SYT1: variants seen among roughly 807,000 people sequenced by gnomAD.
SYT1 encodes synaptotagmin-1.
Under a neutral mutation model 44.8 loss-of-function variants are expected in SYT1, and 8 were observed. That is an observed-to-expected ratio of 0.18 (90% CI 0.10 to 0.32). The LOEUF (loss-of-function observed/expected upper bound fraction) is 0.32, where lower values mean the gene tolerates loss of function less well. Among genes scored for constraint, SYT1 ranks in the 10% least tolerant of loss-of-function variants. The probability of loss-of-function intolerance (pLI) is 1.00; values close to 1 mark genes in which losing one functional copy is unlikely to be tolerated. For missense variants in SYT1, 286 were observed against 509.3 expected (o/e 0.56, Z 4.22); for synonymous variants, 154 against 188.8 (o/e 0.82, Z 1.51).
intron 3 of SYT1, among the ~76,000 whole-genome samples, chr12:79,192,198 G>A (rs1873173701): frequency 6.6e-6 from 1 of 152,140 alleles, no homozygotes; most frequent in Non-Finnish European, 1.5e-5. Flanking sequence ...AGGAACAGGA[G>A]TGTGTGTTTT....
At position 79,445,655 on chromosome 12, in the gene SYT1, C is replaced by T. The variant is rs186489231; in HGVS notation, c.1062+1449C>T. 1.2e-3 allele frequency among the ~76,000 whole-genome samples: 179 copies of T among 151,768 alleles called. 2 individuals carry two copies. The highest frequency in any genetic ancestry group is 2.0e-3 in the Non-Finnish European group (137 of 67,830). On this transcript the variant is annotated intron_variant, in intron 10 of 10. Transcript: ENST00000261205. ...TTCTTTTTTATGGCCGAATAGTATTCCATTGTGTATATGTACCACATTTTA... is the reference window on the plus strand; with the variant it reads ...TTCTTTTTTATGGCCGAATAGTATTTCATTGTGTATATGTACCACATTTTA...
chr12:79,104,706 G>C (rs891474897), intron 3 of SYT1, among the ~76,000 whole-genome samples: 5 of 151,696 alleles, frequency 3.3e-5, no homozygotes, highest in African/African-American at 4.8e-5. Context: ...GATAAATTAG[G>C]TAAGTTCAGA....
At chr12:78,865,154 T>A (rs893481086) in intron 1 of SYT1, 45 bp downstream of exon 1, 9 of 152,194 alleles carry the variant, frequency 5.9e-5, no homozygotes, top group African/African-American at 2.2e-4. Context: ...GCGGTGCCTA[T>A]CTGCTCGAAT....
chr12:79,446,913 T>C (rs888778975), intron 10 of SYT1, among the ~76,000 whole-genome samples: 1 of 152,218 alleles, frequency 6.6e-6, no homozygotes, highest in Non-Finnish European at 1.5e-5. Flanking sequence ...ATTTTTTTAA[T>C]TCCACAAAAT....
intron 9 of SYT1, among the ~76,000 whole-genome samples, chr12:79,363,749 A>T (rs1202290084): frequency 2.0e-5 from 3 of 150,718 alleles, no homozygotes; most frequent in Non-Finnish European, 4.4e-5. Flanking sequence ...AAAAAAAAAA[A>T]TTGTACTTTA....
intron 9 of SYT1, among the ~76,000 whole-genome samples, chr12:79,429,977 T>C (rs1869683127): frequency 6.6e-6 from 1 of 152,206 alleles, no homozygotes; most frequent in Non-Finnish European, 1.5e-5. Context: ...ATTTCCATTA[T>C]GCACAGGAAG....
chr12:79,208,867 A>G (rs190764370), intron 3 of SYT1, among the ~76,000 whole-genome samples: 47 of 152,186 alleles, frequency 3.1e-4, no homozygotes, highest in African/African-American at 1.1e-3. Flanking sequence ...CAAAAGCACT[A>G]TGAGAAATAC....
At chr12:78,910,691 C>T (rs578240288) in intron 1 of SYT1, among the ~76,000 whole-genome samples, 8 of 151,960 alleles carry the variant, frequency 5.3e-5, no homozygotes, top group East Asian at 1.9e-4. Flanking sequence ...TGCAAAAACA[C>T]GCAAAGTTAC....
intron 3 of SYT1, among the ~76,000 whole-genome samples, chr12:79,052,660 GA>G: frequency 7.2e-6 from 1 of 139,626 alleles, no homozygotes; most frequent in Non-Finnish European, 1.7e-5. Flanking sequence ...AAATTTACAA[GA>G]AAAAAACAAA....
intron 8 of SYT1, among the ~76,000 whole-genome samples, chr12:79,312,257 T>C (rs190446431): frequency 7.9e-5 from 12 of 152,284 alleles, no homozygotes; most frequent in African/African-American, 2.6e-4. Context: ...TGGAAATTTA[T>C]TGGACTTGAG....
intron 1 of SYT1, among the ~76,000 whole-genome samples, chr12:78,970,387 A>G (rs1015251147): frequency 6.6e-6 from 1 of 152,222 alleles, no homozygotes; most frequent in African/African-American, 2.4e-5. Context: ...TAGAATGGGT[A>G]AAGACAGTTG....
intron 3 of SYT1, among the ~76,000 whole-genome samples, chr12:79,152,224 T>TTGGGTTTGGAAA (rs1870315573): frequency 6.6e-6 from 1 of 152,068 alleles, no homozygotes. Flanking sequence ...AAACCAGACT[T>TTGGGTTTGGAAA]CAATGGGTCA....
At chr12:79,312,628 G>A (rs946293316) in intron 8 of SYT1, among the ~76,000 whole-genome samples, 1 of 152,062 alleles carries the variant, frequency 6.6e-6, no homozygotes, top group Admixed American at 6.5e-5. Flanking sequence ...TTATGAAAAC[G>A]AATCTCTTAC....
chr12:79,341,381 A>C (rs1246085747), intron 8 of SYT1: 1 of 152,170 alleles, frequency 6.6e-6, no homozygotes, highest in East Asian at 1.9e-4. Context: ...GCATTTCAGC[A>C]TGTAGCTTCC....
intron 3 of SYT1, among the ~76,000 whole-genome samples, chr12:79,095,544 A>C (rs1025727620): frequency 6.6e-6 from 1 of 151,904 alleles, no homozygotes; most frequent in Admixed American, 6.6e-5. Flanking sequence ...CAAATCAATA[A>C]AAGACTTCAT....
At chr12:79,266,559 G>A (rs1039157936) in intron 4 of SYT1, among the ~76,000 whole-genome samples, 2 of 151,988 alleles carry the variant, frequency 1.3e-5, no homozygotes, top group African/African-American at 4.8e-5. Context: ...GATGGTAAAA[G>A]AAAAAAATCA....
chr12:79,229,580 GTTT>G (rs1450881339), intron 4 of SYT1, among the ~76,000 whole-genome samples: 1 of 138,794 alleles, frequency 7.2e-6, no homozygotes, highest in Non-Finnish European at 1.5e-5. Context: ...AAGCAGTAGG[GTTT>G]TTTTTATTTT....
intron 2 of SYT1, among the ~76,000 whole-genome samples, chr12:79,045,201 C>T (rs1005793673): frequency 1.8e-4 from 27 of 152,334 alleles, no homozygotes; most frequent in African/African-American, 4.8e-4. Context: ...CGGGCAATGG[C>T]GGGCGCCCCT....
chr12:78,870,217 G>A lies in SYT1; in HGVS notation c.-217+5108G>A, dbSNP rs558859832. Among the ~76,000 whole-genome samples, 375 of 152,052 alleles carry A rather than the reference G, an allele frequency of 2.5e-3. 1 individual carries two copies. The highest frequency in any genetic ancestry group is 8.6e-3 in the African/African-American group (355 of 41,486). On this transcript the variant is annotated intron_variant, in intron 1 of 10. Transcript: ENST00000261205. ...AGATACTAGCTTGCAACCATGCTAC[G>A]GCAATCATAAATACTGTTAAAAAGA...
Sources: gnomAD v4.1 joint callset for allele counts (sites outside exome capture counted in the v4.1 genomes callset) on GRCh38, gnomAD v4.1.1 for gene constraint, MANE v1.5 for transcripts, NCBI Gene and HGNC (gene_info 2026-07-23, HGNC 2026-07-21) for gene names.